The following MAF variants were observed in gnomAD, a reference collection of about 807,000 sequenced individuals.
MAF encodes MAF bZIP transcription factor.
A neutral mutation model predicts 22.0 loss-of-function variants in MAF; 10 were observed. The ratio of observed to expected loss-of-function variants is 0.45; its 90% confidence interval spans 0.28 to 0.77. The LOEUF is 0.77. Ranked by LOEUF, MAF falls within the 30% of genes least tolerant of loss-of-function variation. MAF has a pLI of 0.12. For missense variants in MAF, 544 were observed against 548.4 expected (o/e 0.99, Z 0.08); for synonymous variants, 337 against 255.8 (o/e 1.32, Z -3.03).
chr16:79,264,771 A>C, the MAF span, among the ~76,000 whole-genome samples: 1 of 152,128 alleles, frequency 6.6e-6, no homozygotes, highest in East Asian at 1.9e-4. Flanking sequence ...TCAGCAGCCC[A>C]CCTCACCCCA....
chr16:79,474,274 T>A, the MAF span, among the ~76,000 whole-genome samples: 55,805 of 152,110 alleles, frequency 0.37, 11,872 homozygotes, highest in Middle Eastern at 0.49. Context: ...ATTCGCCTCT[T>A]TGGGGGAAAT....
chr16:79,327,464 A>G, the MAF span, among the ~76,000 whole-genome samples: 1 of 152,198 alleles, frequency 6.6e-6, no homozygotes, highest in South Asian at 2.1e-4. Flanking sequence ...GGCAGTGTCC[A>G]TGCACGGACA....
At chr16:79,207,942 T>A in the MAF span, among the ~76,000 whole-genome samples, 1 of 152,214 alleles carries the variant, frequency 6.6e-6, no homozygotes, top group Non-Finnish European at 1.5e-5. Context: ...CTTAACATTT[T>A]CATCCCAACA....
the MAF span, among the ~76,000 whole-genome samples, chr16:79,336,199 A>G: frequency 6.6e-6 from 1 of 152,230 alleles, no homozygotes; most frequent in South Asian, 2.1e-4. Flanking sequence ...AATCGTAGTA[A>G]TGAATAACAC....
the MAF span, among the ~76,000 whole-genome samples, chr16:79,267,925 C>T: frequency 6.6e-6 from 1 of 152,036 alleles, no homozygotes; most frequent in Non-Finnish European, 1.5e-5. Context: ...TTCTCAGGTG[C>T]CTGGGGGTGT....
At chr16:79,530,760 G>C in the MAF span, among the ~76,000 whole-genome samples, 1 of 152,088 alleles carries the variant, frequency 6.6e-6, no homozygotes, top group Non-Finnish European at 1.5e-5. Context: ...GATCAATTGT[G>C]GTTTATTGTA....
the MAF span, among the ~76,000 whole-genome samples, chr16:79,293,413 T>G: frequency 6.6e-6 from 1 of 152,212 alleles, no homozygotes; most frequent in Non-Finnish European, 1.5e-5. Context: ...TGAAACTGAA[T>G]TCTAGTTTAA....
chr16:79,378,635 T>C, the MAF span, among the ~76,000 whole-genome samples: 3 of 152,214 alleles, frequency 2.0e-5, no homozygotes, highest in African/African-American at 4.8e-5. Context: ...AATCTGACCA[T>C]TTAGAGATGA....
chr16:79,466,791 C>T, the MAF span, among the ~76,000 whole-genome samples: 1 of 152,210 alleles, frequency 6.6e-6, no homozygotes, highest in Non-Finnish European at 1.5e-5. Flanking sequence ...ATGCAACAGA[C>T]ACCGGGTATT....
chr16:79,481,342 G>A, the MAF span, among the ~76,000 whole-genome samples: 17 of 151,432 alleles, frequency 1.1e-4, no homozygotes, highest in South Asian at 2.1e-4. Context: ...ATAGAGTTGT[G>A]CGACCATCAC....
At chr16:79,506,997 C>G in the MAF span, among the ~76,000 whole-genome samples, 1 of 152,236 alleles carries the variant, frequency 6.6e-6, no homozygotes, top group Non-Finnish European at 1.5e-5. Flanking sequence ...TAAGACTGCT[C>G]TTATAAATAA....
At chr16:79,537,603 C>A in the MAF span, among the ~76,000 whole-genome samples, 4 of 152,212 alleles carry the variant, frequency 2.6e-5, no homozygotes, top group South Asian at 8.3e-4. Flanking sequence ...TGGCTCTTTA[C>A]CCCATCAGTC....
the MAF span, among the ~76,000 whole-genome samples, chr16:79,500,021 A>G: frequency 6.6e-6 from 1 of 152,186 alleles, no homozygotes; most frequent in East Asian, 1.9e-4. Flanking sequence ...AAGACAGTAG[A>G]GAGAGATGCA....
chr16:79,256,590 A>G, the MAF span, among the ~76,000 whole-genome samples: 1 of 152,108 alleles, frequency 6.6e-6, no homozygotes, highest in Non-Finnish European at 1.5e-5. Flanking sequence ...GACTGATAAG[A>G]CGTCCCCAGC....
At chr16:79,397,671 T>C in the MAF span, among the ~76,000 whole-genome samples, 2 of 152,200 alleles carry the variant, frequency 1.3e-5, no homozygotes, top group African/African-American at 4.8e-5. Context: ...TCCCTGCCCT[T>C]CCTGGACCCT....
At chr16:79,575,197 A>G in the MAF span, among the ~76,000 whole-genome samples, 2 of 152,046 alleles carry the variant, frequency 1.3e-5, no homozygotes, top group African/African-American at 4.8e-5. Flanking sequence ...AGGGGTGCAC[A>G]TGAATCTCAG....
At chr16:79,452,498 G>T in the MAF span, among the ~76,000 whole-genome samples, 1 of 152,104 alleles carries the variant, frequency 6.6e-6, no homozygotes, top group African/African-American at 2.4e-5. Flanking sequence ...CAATACTCTA[G>T]AAGGATTTTT....
chr16:79,286,636 C>G, the MAF span, among the ~76,000 whole-genome samples: 1 of 152,188 alleles, frequency 6.6e-6, no homozygotes, highest in African/African-American at 2.4e-5. Flanking sequence ...AATATCTATC[C>G]AGGCATACAT....
chr16:79,552,939 G>C, the MAF span, among the ~76,000 whole-genome samples: 1 of 152,230 alleles, frequency 6.6e-6, no homozygotes, highest in Non-Finnish European at 1.5e-5. Flanking sequence ...GGCGGCAATA[G>C]CAGGAAGCTG....
Sources: gnomAD v4.1 joint callset for allele counts (sites outside exome capture counted in the v4.1 genomes callset) on GRCh38, gnomAD v4.1.1 for gene constraint, MANE v1.5 for transcripts, NCBI Gene and HGNC (gene_info 2026-07-23, HGNC 2026-07-21) for gene names.